Variants in SLC38A9 observed in about 807,000 individuals in gnomAD.
The protein encoded by SLC38A9 is solute carrier family 38 member 9.
A neutral mutation model predicts 62.3 loss-of-function variants in SLC38A9; 48 were observed. The ratio of observed to expected loss-of-function variants is 0.77; its 90% CI spans 0.61 to 0.98. The LOEUF is 0.98. SLC38A9 is among the 50% of genes least tolerant of loss of function. SLC38A9 has a pLI of 0.00. For missense variants in SLC38A9, 541 were observed against 679.8 expected (o/e 0.80, Z 2.27); for synonymous variants, 204 against 227.7 (o/e 0.90, Z 0.94).
intron 12 of SLC38A9, among the ~76,000 whole-genome samples, chr5:55,643,403 A>G (rs1745758942): frequency 1.3e-5 from 2 of 152,222 alleles, no homozygotes; most frequent in South Asian, 4.1e-4. Flanking sequence ...CATACTCTGT[A>G]TGATTTAAAT....
chr5:55,696,908 C>T (rs1314021194), intron 3 of SLC38A9: 1 of 156,660 alleles, frequency 6.4e-6, no homozygotes, highest in Admixed American at 6.7e-5. Context: ...CAGAGGCGCT[C>T]CTCACATCCC....
At chr5:55,634,827 T>G (rs1240813228) in intron 13 of SLC38A9, 3 of 151,822 alleles carry the variant, frequency 2.0e-5, no homozygotes, top group Non-Finnish European at 4.4e-5. Context: ...AGAAAGTCAC[T>G]TGTGAAATGT....
At chr5:55,650,239 A>T (rs748170892) in intron 10 of SLC38A9, among the ~76,000 whole-genome samples, 1 of 152,202 alleles carries the variant, frequency 6.6e-6, no homozygotes, top group Non-Finnish European at 1.5e-5. Context: ...TAAAATGGGC[A>T]TTCAGAATAT....
At chr5:55,666,171 T>C (rs1488431239) in intron 7 of SLC38A9, among the ~76,000 whole-genome samples, 1 of 152,062 alleles carries the variant, frequency 6.6e-6, no homozygotes, top group Non-Finnish European at 1.5e-5. Flanking sequence ...TAAAATACAA[T>C]ATGATTAACT....
chr5:55,708,504 C>G (rs1437445354), intron 2 of SLC38A9, among the ~76,000 whole-genome samples: 1 of 152,184 alleles, frequency 6.6e-6, no homozygotes, highest in African/African-American at 2.4e-5. Context: ...TGTCTTTTCA[C>G]AATTCTTTGC....
chr5:55,626,783 A>G, intron 15 of SLC38A9, 124 bp from the exon 16 acceptor site: 4 of 855,022 alleles, frequency 4.7e-6, no homozygotes, highest in Non-Finnish European at 6.8e-6. Flanking sequence ...TTTTTGATTC[A>G]TTTGTTGTTG....
intron 2 of SLC38A9, among the ~76,000 whole-genome samples, chr5:55,705,344 T>A (rs2150709536): frequency 6.6e-6 from 1 of 151,800 alleles, no homozygotes; most frequent in African/African-American, 2.4e-5. Flanking sequence ...AACATTTATT[T>A]ATTGAATGCC....
chr5:55,665,488 A>C (rs541088295), intron 7 of SLC38A9, among the ~76,000 whole-genome samples: 8 of 151,870 alleles, frequency 5.3e-5, no homozygotes, highest in Non-Finnish European at 1.2e-4. Flanking sequence ...CAGAGGTTGC[A>C]ATGAGCTGAG....
intron 4 of SLC38A9, among the ~76,000 whole-genome samples, chr5:55,670,165 C>T (rs1265929628): frequency 6.8e-6 from 1 of 147,090 alleles, no homozygotes; most frequent in Admixed American, 6.9e-5. Flanking sequence ...CGGGGTTTCA[C>T]CATGTTAGCC....
intron 11 of SLC38A9, among the ~76,000 whole-genome samples, chr5:55,648,867 A>G (rs1230397089): frequency 1.3e-5 from 2 of 152,224 alleles, no homozygotes; most frequent in East Asian, 3.8e-4. Context: ...ATGTACAACT[A>G]TTATATGTCA....
intron 12 of SLC38A9, among the ~76,000 whole-genome samples, chr5:55,643,365 G>C (rs1191250295): frequency 1.3e-5 from 2 of 151,984 alleles, no homozygotes; most frequent in Non-Finnish European, 2.9e-5. Flanking sequence ...TTATTGATTT[G>C]TATCTTCACT....
chr5:55,635,598 G>C lies in SLC38A9; in HGVS notation c.1227C>G (p.Val409=). Residue 409 remains valine, a synonymous_variant, in exon 13 of 16, where the codon GTC becomes GTG. Transcript: ENST00000396865. The part of the protein sequence containing the change: ...LVTLTYLYIG[V]LVFASFPSPP... ...GTGAAGGAAATGAAGCAAAAACCAG[G>C]ACTCCAATATAGAGATAAGTTAATG... 6.2e-7 allele frequency: 1 copy of C among 1,613,804 alleles called. No homozygotes were observed.
intron 3 of SLC38A9, among the ~76,000 whole-genome samples, chr5:55,684,706 T>C (rs1397672202): frequency 6.6e-6 from 1 of 152,166 alleles, no homozygotes; most frequent in Non-Finnish European, 1.5e-5. Context: ...CAGGCTGGAG[T>C]GCAGCGGTGC....
intron 12 of SLC38A9, 47 bp from the exon 13 acceptor site, chr5:55,635,704 T>C: frequency 7.8e-7 from 1 of 1,279,608 alleles, no homozygotes; most frequent in East Asian, 2.3e-5. Context: ...AACCTTGTAG[T>C]AAGTCTACCT....
chr5:55,699,015 A>G (rs891262317), intron 2 of SLC38A9, among the ~76,000 whole-genome samples: 1 of 152,140 alleles, frequency 6.6e-6, no homozygotes, highest in Admixed American at 6.5e-5. Context: ...ACACTTTGGG[A>G]AGCAGAGGTG....
intron 3 of SLC38A9, among the ~76,000 whole-genome samples, chr5:55,679,979 A>C (rs1752756680): frequency 6.6e-6 from 1 of 152,246 alleles, no homozygotes; most frequent in Admixed American, 6.5e-5. Context: ...AGCATGTCTT[A>C]ATTATAAATA....
intron 14 of SLC38A9, among the ~76,000 whole-genome samples, chr5:55,631,258 A>T (rs2150030213): frequency 6.6e-6 from 1 of 152,332 alleles, no homozygotes; most frequent in African/African-American, 2.4e-5. Flanking sequence ...GGGTCCTGAG[A>T]CCAAAAATTA....
intron 12 of SLC38A9, among the ~76,000 whole-genome samples, chr5:55,640,624 AT>A (rs1745306898): frequency 6.6e-6 from 1 of 152,204 alleles, no homozygotes; most frequent in Non-Finnish European, 1.5e-5. Context: ...CAACTTGAGA[AT>A]TTTGGCGAGT....
chr5:55,704,694 A>T (rs1278036420), intron 2 of SLC38A9, among the ~76,000 whole-genome samples: 1 of 152,236 alleles, frequency 6.6e-6, no homozygotes, highest in Non-Finnish European at 1.5e-5. Context: ...AAGCACTTTC[A>T]GAAAGAACTG....
Sources: allele counts gnomAD v4.1 joint callset (sites outside exome capture counted in the v4.1 genomes callset), GRCh38; gene constraint gnomAD v4.1.1; transcripts MANE v1.5; gene names NCBI Gene and HGNC (gene_info 2026-07-23, HGNC 2026-07-21).